G6PD: variants seen among roughly 807,000 people sequenced by gnomAD.
The protein encoded by G6PD is glucose-6-phosphate dehydrogenase.
G6PD carries 2 observed loss-of-function variants against 38.2 expected under a neutral mutation model. The observed-to-expected ratio is 0.05, with a 90% CI of 0.02 to 0.16. G6PD has a LOEUF of 0.16. G6PD is among the 10% of genes least tolerant of loss of function. The probability of loss-of-function intolerance (pLI) is 1.00; values close to 1 mark genes in which losing one functional copy is unlikely to be tolerated. For missense variants in G6PD, 310 were observed against 471.6 expected, an observed-to-expected ratio of 0.66 and a Z score of 3.17; for synonymous variants, 188 against 196.0, an observed-to-expected ratio of 0.96 and a Z score of 0.34.
At chrX:154,542,235 G>A (rs1382180301) in intron 2 of G6PD, 1 of 984,470 alleles carries the variant, frequency 1.0e-6, no homozygotes, top group Non-Finnish European at 1.4e-6. Context: ...GCCCATCATT[G>A]GGATGCGTCC....
chrX:154,534,295 G>A, intron 6 of G6PD, 43 bp downstream of exon 6: 1 of 1,206,771 alleles, frequency 8.3e-7, no homozygotes, highest in East Asian at 3.0e-5. Context: ...AGGCTCCTGA[G>A]TACCACCCCC....
chrX:154,532,871 G>C, intron 9 of G6PD, 69 bp from the exon 10 acceptor site: 1 of 1,205,379 alleles, frequency 8.3e-7, no homozygotes, highest in Non-Finnish European at 1.1e-6. Flanking sequence ...GAGTGTCTCA[G>C]TGGGAGCTCC....
Position 154,535,601 on chromosome X carries a change from C to G in G6PD, c.268-216G>C, listed in dbSNP as rs2070398831. On this transcript the variant is annotated intron_variant, in intron 4 of 12. Transcript: ENST00000393562. ...GCCAAAGCAGGCAGCACAGACACTG[C>G]CCCAGGCTGGGACCCCTGTGCCTTA... 4 of 460,515 alleles carry G rather than the reference C, an allele frequency of 8.7e-6. No homozygotes were observed. The South Asian group carries it at 1.3e-4, about 14-fold the overall frequency. The allele number at this position is 460,515 out of a possible 1,213,427, so 38.0% of individuals were successfully genotyped here.
intron 5 of G6PD, 122 bp downstream of exon 5, chrX:154,535,046 G>C (rs1456361834): frequency 8.5e-6 from 6 of 704,229 alleles, no homozygotes; most frequent in Non-Finnish European, 1.4e-5. Context: ...GGTCCCGCTG[G>C]GGATGGCCCC....
In G6PD at chrX:154,531,970, G is replaced by A. The variant is rs1360560589; in HGVS notation, c.*30C>T. On this transcript the variant is annotated 3_prime_UTR_variant, in exon 13 of 13. Coordinates refer to ENST00000393562, the MANE Select transcript of G6PD (RefSeq NM_001360016.2). Reference sequence around the variant, plus strand: ...TCGGGCGGCGGGAAGGAGGGTGGCCGTGGCGGGGGTGGAGGTGGGTGCCCA... The same window carrying A: ...TCGGGCGGCGGGAAGGAGGGTGGCCATGGCGGGGGTGGAGGTGGGTGCCCA... 1.7e-5 allele frequency: 20 copies of A among 1,189,945 alleles called. No individual in the cohort carries two copies. Among genetic ancestry groups the A allele is most frequent in the East Asian group, 1.2e-4 (4 of 33,008 alleles).
At chrX:154,533,230 C>T in intron 8 of G6PD, 102 bp from the exon 9 acceptor site, 1 of 957,610 alleles carries the variant, frequency 1.0e-6, no homozygotes, top group Non-Finnish European at 1.5e-6. Context: ...AGGAGGAGGC[C>T]CCTGCTTGGC....
rs376605026 is a variant in G6PD, at chrX:154,532,369, C to T, written c.1364+17G>A. On this transcript the variant is annotated intron_variant, in intron 11 of 12. Coordinates refer to ENST00000393562, the MANE Select transcript of G6PD (RefSeq NM_001360016.2). The stretch of plus-strand genomic sequence containing the variant: ...CCATAGCCCACAGGTATGCAGGGGC[C>T]GGCAGCTGGGCCTCACCTGCGCACG... 2.1e-5 allele frequency: 26 copies of T among 1,209,630 alleles called. No homozygotes were observed. The East Asian group carries it at 4.7e-4, about 22-fold the overall frequency.
chrX:154,533,081 G>T lies in G6PD; in HGVS notation c.912C>A (p.Val304=), dbSNP rs1557229906. 1 of 1,212,230 alleles carries T rather than the reference G, an allele frequency of 8.2e-7. No individual in the cohort carries two copies. ...CISEVQANNV[V]LGQYVGNPDG... ...CGGGGTTCCCCACGTACTGGCCCAG[G>T]ACCACATTGTTGGCCTGCACCTCTG... The change falls in exon 9 of 13, where the codon GTC becomes GTA. Residue 304 remains valine (V), a synonymous_variant. Coordinates refer to ENST00000393562, the MANE Select transcript of G6PD (RefSeq NM_001360016.2).
chrX:154,536,761 C>T (rs2070412789), intron 2 of G6PD, among the ~76,000 whole-genome samples: 1 of 110,886 alleles, frequency 9.0e-6, no homozygotes, highest in Non-Finnish European at 1.9e-5. Flanking sequence ...ATCCGGGAGG[C>T]AGAGGTTGCA....
upstream of G6PD, chrX:154,547,513 C>T: frequency 1.3e-6 from 1 of 755,125 alleles, no homozygotes; most frequent in Non-Finnish European, 1.6e-6. Flanking sequence ...AGACTTCTCT[C>T]CGGAGCGGGA....
chrX:154,533,774 C>G, intron 7 of G6PD, 105 bp from the exon 8 acceptor site: 1 of 1,183,495 alleles, frequency 8.4e-7, no homozygotes, highest in Non-Finnish European at 1.1e-6. Flanking sequence ...AGCTGCAAGA[C>G]TCACTTCCTG....
rs781983059 is a variant in G6PD at position 154,535,396 on chromosome X, C to T, written c.268-11G>A. On this transcript the variant is annotated splice_polypyrimidine_tract_variant and intron_variant, in intron 4 of 12. Transcript: ENST00000393562. ...CTCCTCTGGGGTGGCCTGGGAGACA[C>T]GGACAGACAGACACACAGACAGATG... The T allele has an allele frequency of 2.8e-5, 33 of 1,191,952 alleles. No homozygotes were observed. Among genetic ancestry groups the T allele is most frequent in the African/African-American group, 3.5e-5 (2 of 57,379 alleles).
rs1557229854 is a variant in G6PD, at chrX:154,532,989, G to T, written c.1004C>A (p.Ala335Asp). The T allele has an allele frequency of 1.6e-6, 2 of 1,212,199 alleles. No homozygotes were observed. Among genetic ancestry groups the T allele is most frequent in the East Asian group, 5.9e-5 (2 of 33,864 alleles). ...ATAGAGGACGACGGCTGCAAAAGTG[G>T]CGGTGGTGGACCCGCGGGGCACCGT... ...DPTVPRGSTT[A>D]TFAAVVLYVE... Residue 335 changes from alanine to aspartate, a missense_variant, in exon 9 of 13, where the codon GCC becomes GAC. Transcript: ENST00000393562.
chrX:154,547,051 T>C (rs1278924484), upstream of G6PD: 77 of 179,823 alleles, frequency 4.3e-4, no homozygotes, highest in African/African-American at 2.3e-3. Flanking sequence ...GCCCGCCGGC[T>C]GCCTGCCATA....
chrX:154,534,321 C>T lies in G6PD; in HGVS notation c.644+17G>A, dbSNP rs1040658059. 1.7e-6 allele frequency: 2 copies of T among 1,209,841 alleles called. No individual in the cohort carries two copies. Among genetic ancestry groups the T allele is most frequent in the Non-Finnish European group, 2.2e-6 (2 of 893,941 alleles). On this transcript the variant is annotated intron_variant, in intron 6 of 12. Transcript: ENST00000393562. ...TACCACCCCCACCCTGGTCCCCCGG[C>T]CCAGGCTTGGCCCCACCTCAGCACC... is the stretch of plus-strand genomic sequence containing the variant.
chrX:154,534,751 TC>T (rs1345448996), intron 5 of G6PD, among the ~76,000 whole-genome samples: 1 of 111,108 alleles, frequency 9.0e-6, no homozygotes, highest in African/African-American at 3.3e-5. Context: ...TCATGCTGGG[TC>T]CCCGGTGGGT....
rs1557233521 is a variant in G6PD at position 154,546,814 on chromosome X, G to A, written c.-34C>T. ...CTGCGCTTCGTCGTCGTCGCCCTCC[G>A]CGCTCGCAGCCCCGAAGTGTACGAC... On this transcript the variant is annotated 5_prime_UTR_variant, in exon 1 of 13. Transcript: ENST00000393562. 7.8e-6 allele frequency: 9 copies of A among 1,161,209 alleles called. No individual in the cohort carries two copies. The African/African-American group carries it at 9.0e-5, about 12-fold the overall frequency.
intron 8 of G6PD, 167 bp from the exon 9 acceptor site, chrX:154,533,295 G>T (rs782192379): frequency 3.6e-6 from 2 of 559,287 alleles, no homozygotes; most frequent in Non-Finnish European, 5.8e-6. Flanking sequence ...GACCCTCCAG[G>T]ACCACCCTGG....
At chrX:154,540,650 A>C (rs1487178613) in intron 2 of G6PD, among the ~76,000 whole-genome samples, 2 of 107,830 alleles carry the variant, frequency 1.9e-5, no homozygotes, top group East Asian at 2.9e-4. Context: ...AAAAAAAAAA[A>C]AAAAAACACA....
Sources: gnomAD v4.1 joint callset for allele counts (sites outside exome capture counted in the v4.1 genomes callset) on GRCh38, gnomAD v4.1.1 for gene constraint, MANE v1.5 for transcripts, NCBI Gene and HGNC (gene_info 2026-07-23, HGNC 2026-07-21) for gene names.